Variants in WDR5 observed in about 807,000 individuals in gnomAD.
WDR5 encodes WD repeat domain 5.
For missense variants in WDR5, 187 were observed against 416.9 expected (o/e 0.45, Z 4.80); for synonymous variants, 144 against 161.6 (o/e 0.89, Z 0.83).
chr9:134,136,574 C>T (rs937886740), intron 1 of WDR5, among the ~76,000 whole-genome samples: 3 of 152,196 alleles, frequency 2.0e-5, no homozygotes, highest in Admixed American at 6.5e-5. Context: ...CACCAAGCCA[C>T]TCAGTCCCTG....
intron 1 of WDR5, among the ~76,000 whole-genome samples, chr9:134,137,831 C>T (rs1263157514): frequency 2.0e-5 from 3 of 152,062 alleles, no homozygotes; most frequent in Non-Finnish European, 4.4e-5. Context: ...TTGGTTCTGC[C>T]TTCTGGTTTC....
At chr9:134,144,379 C>G (rs993404055) in intron 7 of WDR5, among the ~76,000 whole-genome samples, 1 of 152,178 alleles carries the variant, frequency 6.6e-6, no homozygotes, top group Non-Finnish European at 1.5e-5. Flanking sequence ...GACAAATGAA[C>G]GCTTGTGAAG....
chr9:134,152,958 C>T (rs994146664), intron 9 of WDR5, among the ~76,000 whole-genome samples: 6 of 152,214 alleles, frequency 3.9e-5, no homozygotes, highest in Admixed American at 1.3e-4. Flanking sequence ...ACCCTTGGGC[C>T]TCATTTTCAC....
At chr9:134,151,876 AAGAT>A (rs1198713657) in intron 8 of WDR5, 103 bp from the exon 9 acceptor site, 8 of 1,138,168 alleles carry the variant, frequency 7.0e-6, no homozygotes, top group Non-Finnish European at 1.0e-5. Flanking sequence ...CTTTTAAAAA[AAGAT>A]AGGGAAAAGC....
At chr9:134,136,478 A>G (rs1340756272) in intron 1 of WDR5, among the ~76,000 whole-genome samples, 1 of 151,794 alleles carries the variant, frequency 6.6e-6, no homozygotes, top group African/African-American at 2.4e-5. Flanking sequence ...GAGCGCCGGC[A>G]CTGGGTCCTC....
At chr9:134,145,728 C>G (rs1309023638) in intron 7 of WDR5, among the ~76,000 whole-genome samples, 1 of 152,204 alleles carries the variant, frequency 6.6e-6, no homozygotes, top group African/African-American at 2.4e-5. Flanking sequence ...CTGGCTAGGG[C>G]TCCTCGGCTG....
At chr9:134,144,732 T>C (rs1832083519) in intron 7 of WDR5, among the ~76,000 whole-genome samples, 1 of 151,994 alleles carries the variant, frequency 6.6e-6, no homozygotes, top group African/African-American at 2.4e-5. Context: ...CCCAGCTACT[T>C]GGAGGACGGT....
At position 134,142,698 on chromosome 9, in the gene WDR5, T is replaced by A; in HGVS notation, c.507T>A (p.Ala169=). ...GGAAGTGCCTCAAGACTTTGCCAGC[T>A]CACTCGGATCCAGTCTCGGCCGTAA... ...KTGKCLKTLP[A]HSDPVSAVHF... Residue 169 remains alanine (A), a synonymous_variant, in exon 7 of 14, where the codon GCT becomes GCA. Coordinates refer to ENST00000358625, the MANE Select transcript of WDR5 (RefSeq NM_017588.3). 1 of 1,614,244 alleles carries A rather than the reference T, an allele frequency of 6.2e-7. No homozygotes were observed. Among genetic ancestry groups the A allele is most frequent in the Non-Finnish European group, 8.5e-7 (1 of 1,180,046 alleles).
intron 4 of WDR5, 24 bp from the exon 5 acceptor site, chr9:134,141,925 C>T (rs372170755): frequency 1.2e-4 from 191 of 1,609,582 alleles, no homozygotes; most frequent in Non-Finnish European, 1.6e-4. Flanking sequence ...TGTCAAGTTA[C>T]TGACCCTGTT....
rs34443303 is a variant in WDR5, at chr9:134,148,186, C to CTT, written c.529-78_529-77dup. The CTT allele has an allele frequency of 1.3e-3, 368 of 285,734 alleles. 6 individuals carry two copies. The highest frequency in any genetic ancestry group is 9.0e-3 in the African/African-American group (231 of 25,722). The allele number at this position is 285,734 out of a possible 1,614,324, so 17.7% of individuals were successfully genotyped here. ...AACAAACAAAAAAACATAACTCAGTCTTTTTTTTTTTTTTTTTTTTTTTTT... is the reference window on the plus strand; with the variant it reads ...AACAAACAAAAAAACATAACTCAGTCTTTTTTTTTTTTTTTTTTTTTTTTTTT... On this transcript the variant is annotated intron_variant, in intron 7 of 13. Coordinates refer to ENST00000358625, the MANE Select transcript of WDR5 (RefSeq NM_017588.3).
At chr9:134,142,993 G>A (rs115886223) in intron 7 of WDR5, among the ~76,000 whole-genome samples, 1 of 152,210 alleles carries the variant, frequency 6.6e-6, no homozygotes, top group Non-Finnish European at 1.5e-5. Flanking sequence ...CTTGGGGGCA[G>A]TGGCCACAGG....
At chr9:134,153,435 C>T (rs1832591990) in intron 9 of WDR5, among the ~76,000 whole-genome samples, 1 of 152,246 alleles carries the variant, frequency 6.6e-6, no homozygotes, top group Non-Finnish European at 1.5e-5. Context: ...ATGCGTTCAT[C>T]TCTGTGAGGC....
intron 10 of WDR5, 67 bp downstream of exon 10, chr9:134,154,608 G>T (rs1832667532): frequency 6.4e-7 from 1 of 1,559,048 alleles, no homozygotes; most frequent in South Asian, 1.1e-5. Context: ...CTGCGTGCCA[G>T]CGTGAGCCTT....
At chr9:134,139,671 A>C in intron 1 of WDR5, 149 bp from the exon 2 acceptor site, 1 of 587,974 alleles carries the variant, frequency 1.7e-6, no homozygotes, top group South Asian at 2.1e-5. Flanking sequence ...ACTTAGGGGA[A>C]TTAATAGGGT....
At chr9:134,136,728 T>G (rs982125517) in intron 1 of WDR5, among the ~76,000 whole-genome samples, 1 of 152,078 alleles carries the variant, frequency 6.6e-6, no homozygotes, top group Non-Finnish European at 1.5e-5. Flanking sequence ...CCACCGTGCC[T>G]CCTCGCGCGG....
In WDR5 at chr9:134,157,876, T is replaced by C; in HGVS notation, c.905-17T>C. 1.2e-6 allele frequency: 2 copies of C among 1,613,430 alleles called. No individual in the cohort carries two copies. The highest frequency in any genetic ancestry group is 1.7e-6 in the Non-Finnish European group (2 of 1,179,362). On this transcript the variant is annotated splice_polypyrimidine_tract_variant and intron_variant, in intron 13 of 13. Transcript: ENST00000358625. This position sits in a 1 kb window ranked among gnomAD's most constrained non-coding sequence, Gnocchi z 5.0. ...GCGCAGGGATGGCTCTGGTTCTGACTGTGTCTTTGTTTTCAGATGTCGTGA... is the reference window on the plus strand; with the variant it reads ...GCGCAGGGATGGCTCTGGTTCTGACCGTGTCTTTGTTTTCAGATGTCGTGA...
chr9:134,159,003 C>A lies in WDR5; in HGVS notation c.*1010C>A. 6.6e-6 allele frequency: 1 copy of A among 152,354 alleles called. No individual in the cohort carries two copies. The highest frequency in any genetic ancestry group is 1.5e-5 in the Non-Finnish European group (1 of 68,056). The allele number at this position is 152,354 out of a possible 1,614,324, so 9.4% of individuals were successfully genotyped here. A position where few individuals can be genotyped will look rare whatever the true frequency, so the allele number is the denominator to read the frequency against. On this transcript the variant is annotated 3_prime_UTR_variant, in exon 14 of 14. Transcript: ENST00000358625. This position sits in a 1 kb window ranked among gnomAD's most constrained non-coding sequence, Gnocchi z 4.3. ...TCAGATGCCAGTGGGACTCATGCGC[C>A]CTATGAGGGCTGCAGGGCCAGTGCT...
rs1168688717 is a variant in WDR5, at chr9:134,150,804, C to T, written c.585-1179C>T. ...GAGTCTGGGCCTGGAACCCCCTGCC[C>T]TGCTAGCTACGTGGTGTGATCTCGC... is the stretch of plus-strand genomic sequence containing the variant. On this transcript the variant is annotated intron_variant, in intron 8 of 13. Coordinates refer to ENST00000358625, the MANE Select transcript of WDR5 (RefSeq NM_017588.3). Among the ~76,000 whole-genome samples the T allele has an allele frequency of 3.9e-5, 6 of 152,280 alleles. No individual in the cohort carries two copies. In the East Asian group the frequency reaches 1.2e-3, roughly 29 times the overall value.
At position 134,156,604 on chromosome 9, in the gene WDR5, G is replaced by A; in HGVS notation, c.904+11G>A. On this transcript the variant is annotated intron_variant, in intron 13 of 13. Transcript: ENST00000358625. ...TACAAGGCCACACAGGTGAGGGCCT[G>A]CGCTCCTGCAGTCACTGGCTGCCTG... The A allele has an allele frequency of 6.2e-7, 1 of 1,613,872 alleles. No individual in the cohort carries two copies. The highest frequency in any genetic ancestry group is 8.5e-7 in the Non-Finnish European group (1 of 1,179,772).
Sources: gnomAD v4.1 joint callset for allele counts (sites outside exome capture counted in the v4.1 genomes callset) on GRCh38, gnomAD v4.1.1 for gene constraint, Gnocchi (gnomAD v3.1) non-coding constraint, MANE v1.5 for transcripts, NCBI Gene and HGNC (gene_info 2026-07-23, HGNC 2026-07-21) for gene names.